Variants in UBE2D2 observed in about 807,000 individuals in gnomAD.
UBE2D2 encodes ubiquitin-conjugating enzyme E2 D2.
Under a neutral mutation model 24.2 loss-of-function variants are expected in UBE2D2, and 2 were observed. That is an observed-to-expected ratio of 0.08 (90% confidence interval 0.03 to 0.26). The LOEUF (loss-of-function observed/expected upper bound fraction) is 0.26. Among genes scored for constraint, UBE2D2 ranks in the 10% least tolerant of loss-of-function variants. The pLI is 1.00. For missense variants in UBE2D2, 44 were observed against 177.6 expected (o/e 0.25, Z 4.28); for synonymous variants, 58 against 56.5 (o/e 1.03, Z -0.12).
intron 2 of UBE2D2, among the ~76,000 whole-genome samples, chr5:139,610,459 G>A (rs1478918175): frequency 6.6e-6 from 1 of 151,928 alleles, no homozygotes; most frequent in Non-Finnish European, 1.5e-5. Flanking sequence ...GAGAATTGCT[G>A]AACCCGGGAG....
intron 1 of UBE2D2, among the ~76,000 whole-genome samples, chr5:139,584,302 T>G (rs1753669141): frequency 1.3e-5 from 2 of 152,170 alleles, no homozygotes; most frequent in Admixed American, 1.3e-4. Context: ...GCAATAAGGC[T>G]GTATACCATG....
chr5:139,562,424 G>A, intron 1 of UBE2D2: 2 of 1,300,590 alleles, frequency 1.5e-6, no homozygotes, highest in Non-Finnish European at 2.0e-6. Flanking sequence ...TAATGAGGGA[G>A]GAGGGAAGTA....
rs1753093913 is a variant in UBE2D2 at position 139,561,580 on chromosome 5, C to T, written c.-212C>T. ...GCTAGGGCGGCGGCGAATAAAGGGG[C>T]CGCCGCCGGGTGATGCGGTGACCGC... On this transcript the variant is annotated 5_prime_UTR_variant, in exon 1 of 7. Coordinates refer to ENST00000398733, the MANE Select transcript of UBE2D2 (RefSeq NM_003339.3). 4 of 424,602 alleles carry T rather than the reference C, an allele frequency of 9.4e-6. No homozygotes were observed. Among genetic ancestry groups the T allele is most frequent in the African/African-American group, 2.1e-5 (1 of 48,658 alleles). The allele number at this position is 424,602 out of a possible 1,614,324, so 26.3% of individuals were successfully genotyped here. A position where few individuals can be genotyped will look rare whatever the true frequency, so the allele number is the denominator to read the frequency against.
intron 6 of UBE2D2, among the ~76,000 whole-genome samples, chr5:139,626,324 C>T (rs1754627923): frequency 6.6e-6 from 1 of 152,180 alleles, no homozygotes; most frequent in Non-Finnish European, 1.5e-5. Flanking sequence ...CCCGACTCAG[C>T]CTCCCAAAGT....
chr5:139,555,969 G>A (rs1752976870), intron 1 of UBE2D2, among the ~76,000 whole-genome samples: 2 of 148,472 alleles, frequency 1.3e-5, no homozygotes, highest in African/African-American at 5.0e-5. Context: ...AGGCACGGTG[G>A]CTCACACCTG....
At chr5:139,551,854 A>G (rs973267455) in intron 1 of UBE2D2, among the ~76,000 whole-genome samples, 6 of 152,214 alleles carry the variant, frequency 3.9e-5, no homozygotes, top group African/African-American at 1.2e-4. Flanking sequence ...TAATAAACAT[A>G]AAGTGTTACA....
At chr5:139,600,294 G>T (rs1325549319) in intron 1 of UBE2D2, 78 bp from the exon 2 acceptor site, 3 of 1,455,282 alleles carry the variant, frequency 2.1e-6, no homozygotes, top group South Asian at 1.2e-5. Flanking sequence ...AGAGAATATT[G>T]GTAACAATAT....
intron 1 of UBE2D2, among the ~76,000 whole-genome samples, chr5:139,548,163 C>CA (rs749269739): frequency 3.9e-4 from 13 of 32,940 alleles, no homozygotes; most frequent in South Asian, 1.1e-3. Context: ...GACTCCGTCT[C>CA]AAAAAAAAAA....
intron 2 of UBE2D2, 38 bp from the exon 3 acceptor site, chr5:139,614,548 T>A: frequency 2.5e-6 from 4 of 1,607,020 alleles, no homozygotes; most frequent in Non-Finnish European, 3.4e-6. Context: ...ACAATGTAGA[T>A]ATTGTTACAT....
intron 1 of UBE2D2, among the ~76,000 whole-genome samples, chr5:139,572,479 C>G (rs1753369843): frequency 1.3e-5 from 2 of 151,888 alleles, no homozygotes; most frequent in Admixed American, 1.3e-4. Flanking sequence ...GCCTGTAATC[C>G]CTGCTACTCA....
At position 139,628,247 on chromosome 5, in the gene UBE2D2, G is replaced by A. The variant is rs771805075; in HGVS notation, c.*1446G>A. 1 of 152,580 alleles carries A rather than the reference G, an allele frequency of 6.6e-6. No individual in the cohort carries two copies. Among genetic ancestry groups the A allele is most frequent in the Non-Finnish European group, 1.5e-5 (1 of 68,036 alleles). The allele number at this position is 152,580 out of a possible 1,614,324, so 9.5% of individuals were successfully genotyped here. On this transcript the variant is annotated 3_prime_UTR_variant, in exon 7 of 7. Coordinates refer to ENST00000398733, the MANE Select transcript of UBE2D2 (RefSeq NM_003339.3). ...TATAGCTTGAAACTTGTAAACAACTGTGTTTGCCAGAAACATCATTCATGT... is the reference window on the plus strand; with the variant it reads ...TATAGCTTGAAACTTGTAAACAACTATGTTTGCCAGAAACATCATTCATGT...
chr5:139,548,416 G>C (rs1454829037), intron 1 of UBE2D2, among the ~76,000 whole-genome samples: 1 of 151,744 alleles, frequency 6.6e-6, no homozygotes, highest in African/African-American at 2.4e-5. Context: ...AGTGTGGGCT[G>C]AGCCTGCAGG....
At chr5:139,550,435 GCTCTGTAAAATGGACCAATCAGCT>G (rs1752895299) in intron 1 of UBE2D2, among the ~76,000 whole-genome samples, 1 of 152,066 alleles carries the variant, frequency 6.6e-6, no homozygotes, top group African/African-American at 2.4e-5. Flanking sequence ...ACCAATCAGC[GCTCTGTAAAATGGACCAATCAGCT>G]CTCTGCAAAT....
chr5:139,573,457 A>G (rs955292491), intron 1 of UBE2D2, among the ~76,000 whole-genome samples: 9 of 152,258 alleles, frequency 5.9e-5, no homozygotes, highest in Admixed American at 5.2e-4. Flanking sequence ...TTTTCATTGC[A>G]GTATAATATG....
chr5:139,578,483 T>G (rs1271183203), intron 1 of UBE2D2, among the ~76,000 whole-genome samples: 2 of 151,124 alleles, frequency 1.3e-5, no homozygotes, highest in Non-Finnish European at 3.0e-5. Flanking sequence ...GACAGGGTCT[T>G]GCTCTGTTGT....
At chr5:139,587,788 C>T (rs1753762971) in intron 1 of UBE2D2, among the ~76,000 whole-genome samples, 1 of 151,900 alleles carries the variant, frequency 6.6e-6, no homozygotes. Context: ...AGAGGGTAGC[C>T]ATTGCCAGCT....
chr5:139,603,727 A>G (rs1398971156), intron 2 of UBE2D2, among the ~76,000 whole-genome samples: 1 of 151,544 alleles, frequency 6.6e-6, no homozygotes, highest in Non-Finnish European at 1.5e-5. Flanking sequence ...ACCTGAGGCC[A>G]GGAATTCAAT....
chr5:139,590,695 CAG>C (rs1044795066), intron 1 of UBE2D2, among the ~76,000 whole-genome samples: 6 of 148,724 alleles, frequency 4.0e-5, no homozygotes, highest in African/African-American at 1.2e-4. Flanking sequence ...GGAGGGTACA[CAG>C]GGGACGTAGA....
chr5:139,534,362 C>T (rs545017849), intron 1 of UBE2D2, among the ~76,000 whole-genome samples: 2 of 151,958 alleles, frequency 1.3e-5, no homozygotes, highest in African/African-American at 2.4e-5. Flanking sequence ...GTCAGGAGAT[C>T]GAGACCATCC....
Sources: gnomAD v4.1 joint callset for allele counts (sites outside exome capture counted in the v4.1 genomes callset) on GRCh38, gnomAD v4.1.1 for gene constraint, MANE v1.5 for transcripts, NCBI Gene and HGNC (gene_info 2026-07-23, HGNC 2026-07-21) for gene names.